Variants in IL1RAP observed in about 807,000 individuals in gnomAD.
The protein encoded by IL1RAP is interleukin-1 receptor accessory protein.
Under a neutral mutation model 60.7 loss-of-function variants are expected in IL1RAP, and 35 were observed. The ratio of observed to expected loss-of-function variants is 0.58; its 90% CI spans 0.44 to 0.76. The LOEUF (loss-of-function observed/expected upper bound fraction) is 0.76. IL1RAP is among the 30% of genes least tolerant of loss of function. IL1RAP has a pLI of 0.00. For synonymous variants in IL1RAP, 268 were observed against 250.9 expected, an observed-to-expected ratio of 1.07 and a Z score of -0.64; for missense variants, 572 against 693.9, an observed-to-expected ratio of 0.82 and a Z score of 1.97.
chr3:190,645,608 A>G, intron 10 of IL1RAP, 91 bp from the exon 11 acceptor site: 1 of 1,001,114 alleles, frequency 1.0e-6, no homozygotes, highest in South Asian at 1.6e-5. Context: ...CATAATGAAA[A>G]TGTCTAATAT....
intron 9 of IL1RAP, among the ~76,000 whole-genome samples, chr3:190,631,311 T>A (rs941287284): frequency 2.6e-5 from 4 of 152,190 alleles, no homozygotes; most frequent in African/African-American, 9.7e-5. Flanking sequence ...CAAGGTGTAA[T>A]GTAGGAGTGA....
intron 9 of IL1RAP, among the ~76,000 whole-genome samples, chr3:190,635,703 A>G (rs1336316692): frequency 6.6e-6 from 1 of 152,184 alleles, no homozygotes; most frequent in Non-Finnish European, 1.5e-5. Flanking sequence ...TGAATTTTAG[A>G]GTTGGCTTTA....
At chr3:190,625,959 G>T (rs1256869910) in intron 7 of IL1RAP, among the ~76,000 whole-genome samples, 1 of 152,146 alleles carries the variant, frequency 6.6e-6, no homozygotes, top group Non-Finnish European at 1.5e-5. Flanking sequence ...AAGACTTAAG[G>T]ACGTTGCAAT....
chr3:190,581,463 C>T (rs1175777203), intron 3 of IL1RAP, among the ~76,000 whole-genome samples: 1 of 152,160 alleles, frequency 6.6e-6, no homozygotes, highest in Non-Finnish European at 1.5e-5. Flanking sequence ...AGGACTGAGA[C>T]CTTTTACATT....
chr3:190,542,106 A>T (rs959655295), intron 1 of IL1RAP, among the ~76,000 whole-genome samples: 2 of 152,138 alleles, frequency 1.3e-5, no homozygotes, highest in African/African-American at 4.8e-5. Flanking sequence ...ATTTTTTTGC[A>T]TGTAACTCAG....
chr3:190,559,876 C>T (rs575097360), intron 2 of IL1RAP, among the ~76,000 whole-genome samples: 24 of 152,186 alleles, frequency 1.6e-4, no homozygotes, highest in African/African-American at 3.1e-4. Context: ...CAAATATGCC[C>T]GCGTTTTATA....
intron 3 of IL1RAP, among the ~76,000 whole-genome samples, chr3:190,591,361 A>C (rs896760338): frequency 6.6e-6 from 1 of 152,190 alleles, no homozygotes; most frequent in African/African-American, 2.4e-5. Context: ...TTACCATTGC[A>C]TACTCCCTAG....
intron 1 of IL1RAP, among the ~76,000 whole-genome samples, chr3:190,548,512 C>A (rs949693944): frequency 6.6e-6 from 1 of 152,130 alleles, no homozygotes; most frequent in Non-Finnish European, 1.5e-5. Flanking sequence ...AAATGTTATT[C>A]CTACTACCCA....
At chr3:190,578,153 G>A (rs1727665415) in intron 3 of IL1RAP, among the ~76,000 whole-genome samples, 1 of 152,044 alleles carries the variant, frequency 6.6e-6, no homozygotes, top group South Asian at 2.1e-4. Flanking sequence ...TTACTAACCT[G>A]CGTATGTACC....
downstream of IL1RAP, among the ~76,000 whole-genome samples, chr3:190,653,489 CT>C (rs777755998): frequency 2.0e-5 from 3 of 151,914 alleles, no homozygotes; most frequent in Admixed American, 6.6e-5. Context: ...TTTTTCTATA[CT>C]TCAAGTTTTA....
At chr3:190,617,687 A>G (rs1324209242) in intron 5 of IL1RAP, among the ~76,000 whole-genome samples, 1 of 152,196 alleles carries the variant, frequency 6.6e-6, no homozygotes, top group Non-Finnish European at 1.5e-5. Context: ...AATCATTATA[A>G]CATTTTCAGG....
At chr3:190,564,894 T>C (rs192994039) in intron 3 of IL1RAP, among the ~76,000 whole-genome samples, 96 of 152,280 alleles carry the variant, frequency 6.3e-4, no homozygotes, top group Non-Finnish European at 1.1e-3. Flanking sequence ...CCAAACTCAG[T>C]CATCATGGGC....
intron 1 of IL1RAP, among the ~76,000 whole-genome samples, chr3:190,522,333 CCTTCCTT>C (rs1338975216): frequency 3.4e-5 from 5 of 147,106 alleles, no homozygotes; most frequent in African/African-American, 1.3e-4. Flanking sequence ...TTCCTTCCTT[CCTTCCTT>C]CCTCCCTCCC....
chr3:190,527,681 T>C (rs1031854139), intron 1 of IL1RAP, among the ~76,000 whole-genome samples: 3 of 143,004 alleles, frequency 2.1e-5, no homozygotes, highest in African/African-American at 8.1e-5. Context: ...GGTGCTTGTT[T>C]ACATTTTTTT....
In IL1RAP at chr3:190,550,912, AGTCTT is replaced by A. The variant is rs1178368602; in HGVS notation, c.-88-5217_-88-5213del. 2.0e-5 allele frequency among the ~76,000 whole-genome samples: 3 copies of A among 152,342 alleles called. No individual in the cohort carries two copies. In the East Asian group the frequency reaches 5.8e-4, roughly 29 times the overall value. ...CTGACTTGTTTGCAAAATAGACTTT[AGTCTT>A]ATATTTGGCCTGATTATTTGCATAA... On this transcript the variant is annotated intron_variant, in intron 1 of 11. Transcript: ENST00000447382.
At chr3:190,651,942 G>A (rs368300293), downstream of IL1RAP, among the ~76,000 whole-genome samples, 4 of 152,050 alleles carry the variant, frequency 2.6e-5, no homozygotes, top group East Asian at 1.9e-4. Flanking sequence ...AACTTAGGTC[G>A]TTTACAGGAA....
chr3:190,656,148 A>T, downstream of IL1RAP: 1 of 1,537,320 alleles, frequency 6.5e-7, no homozygotes, highest in Non-Finnish European at 8.7e-7. Flanking sequence ...CTGGCTCTAA[A>T]TTCTGGAAAG....
rs577913964 is a variant in IL1RAP, at chr3:190,651,211, G to C, written c.*2506G>C. ...GGTTTTAAATATATGCTATAGGGACGTTCCATGCCCAGGTTAACAAAGAAC... is the reference window on the plus strand; with the variant it reads ...GGTTTTAAATATATGCTATAGGGACCTTCCATGCCCAGGTTAACAAAGAAC... On this transcript the variant is annotated 3_prime_UTR_variant, in exon 12 of 12. Coordinates refer to ENST00000447382, the MANE Select transcript of IL1RAP (RefSeq NM_002182.4). 6.0e-5 allele frequency: 59 copies of C among 980,878 alleles called. No homozygotes were observed. The South Asian group carries it at 2.2e-3, about 36-fold the overall frequency. The allele number at this position is 980,878 out of a possible 1,614,324, so 60.8% of individuals were successfully genotyped here. A position where few individuals can be genotyped will look rare whatever the true frequency, so the allele number is the denominator to read the frequency against.
At chr3:190,561,818 C>T (rs979645922) in intron 2 of IL1RAP, among the ~76,000 whole-genome samples, 16 of 152,130 alleles carry the variant, frequency 1.1e-4, no homozygotes, top group African/African-American at 3.9e-4. Context: ...CTGTAGATGT[C>T]ACAAAGCTAG....
Sources: allele counts gnomAD v4.1 joint callset (sites outside exome capture counted in the v4.1 genomes callset), GRCh38; gene constraint gnomAD v4.1.1; transcripts MANE v1.5; gene names NCBI Gene and HGNC (gene_info 2026-07-23, HGNC 2026-07-21).